Variants in EHD4 observed in about 807,000 individuals in gnomAD.
EHD4 encodes the protein EH domain containing 4.
EHD4 carries 37 observed loss-of-function variants against 51.0 expected under a neutral mutation model. The observed-to-expected ratio is 0.73, with a 90% confidence interval of 0.56 to 0.95. EHD4 has a LOEUF of 0.95. EHD4 is among the 40% of genes least tolerant of loss of function. EHD4 has a pLI of 0.00. For missense variants in EHD4, 632 were observed against 733.1 expected (o/e 0.86, Z 1.59); for synonymous variants, 297 against 317.3 (o/e 0.94, Z 0.68).
intron 3 of EHD4, among the ~76,000 whole-genome samples, chr15:41,936,946 C>T (rs1379200713): frequency 6.6e-6 from 1 of 152,250 alleles, no homozygotes. Context: ...TCAGACTGGC[C>T]TTAGCCCTGG....
At chr15:41,918,889 A>G (rs1199204756) in intron 4 of EHD4, among the ~76,000 whole-genome samples, 1 of 152,164 alleles carries the variant, frequency 6.6e-6, no homozygotes, top group Non-Finnish European at 1.5e-5. Flanking sequence ...GGGTGCACTG[A>G]TTGATCCCCC....
intron 3 of EHD4, among the ~76,000 whole-genome samples, chr15:41,939,198 T>A: frequency 6.6e-6 from 1 of 152,210 alleles, no homozygotes; most frequent in East Asian, 1.9e-4. Flanking sequence ...ATCCAAACAT[T>A]CTTTCATTGG....
intron 3 of EHD4, among the ~76,000 whole-genome samples, chr15:41,935,019 G>A (rs2067722781): frequency 6.6e-6 from 1 of 152,102 alleles, no homozygotes; most frequent in Non-Finnish European, 1.5e-5. Flanking sequence ...TGGCGGGGGG[G>A]CCTCCTGATC....
At position 41,900,052 on chromosome 15, in the gene EHD4, T is replaced by C. The variant is rs80139520; in HGVS notation, c.*593A>G. Reference sequence around the variant, plus strand: ...GCTCTGCTGGAGACTGCAGAATGGATGGCAGATCCACAGTGCATCCCCCTT... The same window carrying C: ...GCTCTGCTGGAGACTGCAGAATGGACGGCAGATCCACAGTGCATCCCCCTT... On this transcript the variant is annotated 3_prime_UTR_variant, in exon 6 of 6. Transcript: ENST00000220325. This position sits in a 1 kb window ranked among gnomAD's most constrained non-coding sequence, Gnocchi z 4.8. The C allele has an allele frequency of 0.055, 8,446 of 152,776 alleles. 303 individuals are homozygous for C. The highest frequency in any genetic ancestry group is 0.064 in the Non-Finnish European group (4,328 of 68,110). 9.5% of individuals were successfully genotyped at this position (152,776 alleles called of 1,614,324 possible). A position where few individuals can be genotyped will look rare whatever the true frequency, so the allele number is the denominator to read the frequency against.
Position 41,954,870 on chromosome 15 carries a change from T to C in EHD4, c.237-930A>G, listed in dbSNP as rs116416075. On this transcript the variant is annotated intron_variant, in intron 1 of 5. Coordinates refer to ENST00000220325, the MANE Select transcript of EHD4 (RefSeq NM_139265.4). ...GTCTTGAATGCCTGGGCTCAAGCTA[T>C]CCCCTCACCTTGGCCTCCCAAAGTA... Among the ~76,000 whole-genome samples, 1,232 of 152,316 alleles carry C rather than the reference T, an allele frequency of 8.1e-3. 13 individuals are homozygous for C. Among genetic ancestry groups the C allele is most frequent in the African/African-American group, 0.024 (1,013 of 41,570 alleles).
At chr15:41,934,130 G>A (rs2067716903) in intron 3 of EHD4, among the ~76,000 whole-genome samples, 1 of 152,040 alleles carries the variant, frequency 6.6e-6, no homozygotes. Context: ...GTTTCGGTAG[G>A]TTCTCCAAGT....
At chr15:41,936,830 A>C (rs1169694497) in intron 3 of EHD4, among the ~76,000 whole-genome samples, 2 of 152,244 alleles carry the variant, frequency 1.3e-5, no homozygotes, top group Admixed American at 1.3e-4. Flanking sequence ...CCAGCGGAAA[A>C]GGAGTCTGGA....
intron 3 of EHD4, among the ~76,000 whole-genome samples, chr15:41,937,342 C>T (rs1804209606): frequency 6.6e-6 from 1 of 152,194 alleles, no homozygotes; most frequent in Non-Finnish European, 1.5e-5. Context: ...GAGATATCAA[C>T]AGGAAGGGCA....
Position 41,899,808 on chromosome 15 carries a change from T to C in EHD4, c.*837A>G, listed in dbSNP as rs1485329910. 6.6e-6 allele frequency: 1 copy of C among 152,274 alleles called. No homozygotes were observed. Among genetic ancestry groups the C allele is most frequent in the Non-Finnish European group, 1.5e-5 (1 of 68,050 alleles). The allele number at this position is 152,274 out of a possible 1,614,324, so 9.4% of individuals were successfully genotyped here. A position where few individuals can be genotyped will look rare whatever the true frequency, so the allele number is the denominator to read the frequency against. ...TAAGTATGATAAGTGGGCTTTGCTA[T>C]TACTTATTGGAAAAACCAGTAAGAA... On this transcript the variant is annotated 3_prime_UTR_variant, in exon 6 of 6. Transcript: ENST00000220325.
chr15:41,965,799 C>G (rs2067958007), intron 1 of EHD4, among the ~76,000 whole-genome samples: 1 of 152,140 alleles, frequency 6.6e-6, no homozygotes, highest in Admixed American at 6.5e-5. Context: ...ATGGAAAAAG[C>G]CTTCCCCCTC....
intron 3 of EHD4, among the ~76,000 whole-genome samples, chr15:41,937,720 C>T (rs1190065596): frequency 6.6e-6 from 1 of 152,218 alleles, no homozygotes; most frequent in Non-Finnish European, 1.5e-5. Context: ...GGTCTTTTGT[C>T]TTCAAAGTTC....
At chr15:41,925,004 G>A (rs1033801079) in intron 3 of EHD4, among the ~76,000 whole-genome samples, 3 of 151,054 alleles carry the variant, frequency 2.0e-5, no homozygotes, top group South Asian at 2.1e-4. Flanking sequence ...AGGCTGCAGT[G>A]AGCCGAGACT....
At chr15:41,907,874 A>G (rs28667086) in intron 5 of EHD4, among the ~76,000 whole-genome samples, 10,905 of 68,536 alleles carry the variant, frequency 0.16, 625 homozygotes, top group African/African-American at 0.26. Context: ...GTGTGTGTAT[A>G]TATTTATTTA....
chr15:41,920,425 A>AGAG, intron 3 of EHD4, among the ~76,000 whole-genome samples: 1 of 152,344 alleles, frequency 6.6e-6, no homozygotes, highest in Admixed American at 6.5e-5. Context: ...AAAGCAAACA[A>AGAG]GAGGAGGCCA....
chr15:41,919,727 C>A, intron 3 of EHD4, 105 bp from the exon 4 acceptor site: 2 of 1,157,206 alleles, frequency 1.7e-6, no homozygotes, highest in Non-Finnish European at 2.3e-6. Flanking sequence ...AGGGAGAGAG[C>A]CCTGTCTCCA....
At position 41,896,613 on chromosome 15, in the gene EHD4, T is replaced by C. The variant is rs1331984139; in HGVS notation, c.*4032A>G. On this transcript the variant is annotated 3_prime_UTR_variant, in exon 6 of 6. Coordinates refer to ENST00000220325, the MANE Select transcript of EHD4 (RefSeq NM_139265.4). ...AGATGGGTTGGTGGGAAAAGCCAGA[T>C]GCCTACTATGGTAGTGGGCGGGGGG... 1 of 143,744 alleles carries C rather than the reference T, an allele frequency of 7.0e-6. No homozygotes were observed. The highest frequency in any genetic ancestry group is 2.6e-5 in the African/African-American group (1 of 38,876). 8.9% of individuals were successfully genotyped at this position (143,744 alleles called of 1,614,324 possible).
intron 2 of EHD4, among the ~76,000 whole-genome samples, chr15:41,951,954 G>A (rs1463560617): frequency 1.3e-5 from 2 of 152,214 alleles, no homozygotes; most frequent in African/African-American, 4.8e-5. Context: ...GTAATAAGAT[G>A]GAACTCCTCT....
At chr15:41,969,412 G>A (rs1015636846) in intron 1 of EHD4, among the ~76,000 whole-genome samples, 21 of 152,134 alleles carry the variant, frequency 1.4e-4, no homozygotes, top group Non-Finnish European at 3.1e-4. Context: ...CAGGCGTGGT[G>A]GCACATGCCT....
At chr15:41,945,065 C>T (rs999418612) in intron 2 of EHD4, among the ~76,000 whole-genome samples, 16 of 152,186 alleles carry the variant, frequency 1.1e-4, no homozygotes, top group Non-Finnish European at 1.9e-4. Context: ...TGGGCACATC[C>T]GTGGTGAACC....
Sources: allele counts gnomAD v4.1 joint callset (sites outside exome capture counted in the v4.1 genomes callset), GRCh38; gene constraint gnomAD v4.1.1; non-coding constraint Gnocchi (gnomAD v3.1); transcripts MANE v1.5; gene names NCBI Gene and HGNC (gene_info 2026-07-23, HGNC 2026-07-21).